KIAA0408: variants seen among roughly 807,000 people sequenced by gnomAD.
KIAA0408 encodes the protein KIAA0408, also known as uncharacterized protein KIAA0408.
Under a neutral mutation model 60.9 loss-of-function variants are expected in KIAA0408, and 51 were observed. That is an observed-to-expected ratio of 0.84 (90% CI 0.67 to 1.06). The LOEUF (loss-of-function observed/expected upper bound fraction) is 1.06, where lower values mean the gene tolerates loss of function less well. Among genes scored for constraint, KIAA0408 ranks in the 50% least tolerant of loss-of-function variants. KIAA0408 has a pLI of 0.00. For synonymous variants in KIAA0408, 304 were observed against 282.4 expected, an observed-to-expected ratio of 1.08 and a Z score of -0.77; for missense variants, 787 against 833.9, an observed-to-expected ratio of 0.94 and a Z score of 0.69.
rs1320227604 is a variant in KIAA0408, at chr6:127,444,009, T to A, written c.*100A>T. The A allele has an allele frequency of 9.0e-6, 9 of 1,005,152 alleles. No individual in the cohort carries two copies. Among genetic ancestry groups the A allele is most frequent in the Middle Eastern group, 2.2e-4 (1 of 4,464 alleles). 62.3% of individuals were successfully genotyped at this position (1,005,152 alleles called of 1,614,324 possible). Reference sequence around the variant, plus strand: ...ACTGATGGAAAGTTAAGATTCAAATTGCTTGTCGGAAGAGAACAGGTCCGC... The same window carrying A: ...ACTGATGGAAAGTTAAGATTCAAATAGCTTGTCGGAAGAGAACAGGTCCGC... On this transcript the variant is annotated 3_prime_UTR_variant, in exon 6 of 6. Coordinates refer to ENST00000483725, the MANE Select transcript of KIAA0408 (RefSeq NM_014702.5).
intron 1 of KIAA0408, 198 bp from the exon 2 acceptor site, chr6:127,454,299 T>G (rs1161431579): frequency 2.7e-5 from 9 of 332,550 alleles, no homozygotes; most frequent in Admixed American, 1.2e-4. Flanking sequence ...TTTTTTTCCC[T>G]TTCTGAGACC....
In KIAA0408 at chr6:127,440,097, A is replaced by G. The variant is rs1773080292; in HGVS notation, c.*4012T>C. On this transcript the variant is annotated 3_prime_UTR_variant, in exon 6 of 6. Coordinates refer to ENST00000483725, the MANE Select transcript of KIAA0408 (RefSeq NM_014702.5). ...TGTTAATTTAACCTATTGGATTAATACTATCATTGAAATGTGTATCAGATT... is the reference window on the plus strand; with the variant it reads ...TGTTAATTTAACCTATTGGATTAATGCTATCATTGAAATGTGTATCAGATT... The G allele has an allele frequency of 6.6e-6, 1 of 152,212 alleles. No individual in the cohort carries two copies. The highest frequency in any genetic ancestry group is 2.4e-5 in the African/African-American group (1 of 41,456). 9.4% of individuals were successfully genotyped at this position (152,212 alleles called of 1,614,324 possible).
intron 1 of KIAA0408, among the ~76,000 whole-genome samples, chr6:127,454,521 C>T (rs1395070526): frequency 6.6e-6 from 1 of 152,060 alleles, no homozygotes; most frequent in Admixed American, 6.6e-5. Flanking sequence ...ATTCTTATGA[C>T]TTAAATTCCT....
rs778564256 is a variant in KIAA0408 at position 127,447,019 on chromosome 6, T to C, written c.1300A>G (p.Arg434Gly). The C allele has an allele frequency of 1.2e-6, 2 of 1,613,614 alleles. No homozygotes were observed. Among genetic ancestry groups the C allele is most frequent in the South Asian group, 2.2e-5 (2 of 90,990 alleles). The change falls in exon 5 of 6, where the codon AGG becomes GGG. Residue 434 changes from arginine to glycine, a missense_variant. By Grantham distance (125) the Arg-to-Gly change is moderately radical. This residue lies in a region of KIAA0408 where 640 missense variants were observed against 681.3 expected (regional missense o/e 0.94). Transcript: ENST00000483725. ...GTCTTTGCTGCCAGCTTCTCATTCC[T>C]TGTAGTCCTTTCAAAGCCACAACTG... ...NFSCGFERTT[R>G]NEKLAAKTDE...
intron 4 of KIAA0408, among the ~76,000 whole-genome samples, chr6:127,449,384 TCACGCCTGTAATCC>T (rs1271332002): frequency 5.9e-5 from 9 of 152,164 alleles, no homozygotes; most frequent in African/African-American, 2.2e-4. Context: ...GCGTGGTGGC[TCACGCCTGTAATCC>T]CAGCACTTTG....
rs1199869097 is a variant in KIAA0408, at chr6:127,442,948, T to G, written c.*1161A>C. On this transcript the variant is annotated 3_prime_UTR_variant, in exon 6 of 6. Transcript: ENST00000483725. The stretch of plus-strand genomic sequence containing the variant: ...AAACTGTAGCCAAAATACACATTTC[T>G]ATTCCTGATGCTACTGTGGATGTCA... 1 of 152,212 alleles carries G rather than the reference T, an allele frequency of 6.6e-6. No individual in the cohort carries two copies. The highest frequency in any genetic ancestry group is 1.9e-4 in the East Asian group (1 of 5,200). 9.4% of individuals were successfully genotyped at this position (152,212 alleles called of 1,614,324 possible).
Position 127,447,061 on chromosome 6 carries a change from T to G in KIAA0408, c.1258A>C (p.Ser420Arg). The change falls in exon 5 of 6, where the codon AGC (serine) becomes CGC (arginine). Residue 420 changes from serine (S) to arginine (R), a missense_variant. Physicochemically the swap from Ser to Arg is moderately radical, Grantham distance 110. Transcript: ENST00000483725. The part of the protein sequence containing the change: ...DCSSSVAESS[S>R]PLRNFSCGFE... The stretch of plus-strand genomic sequence containing the variant: ...CCACAACTGAAATTTCTAAGTGGGC[T>G]ACTGCTCTCTGCTACTGAGGAGCTA... The G allele has an allele frequency of 1.2e-6, 2 of 1,613,762 alleles. No homozygotes were observed. The highest frequency in any genetic ancestry group is 1.7e-6 in the Non-Finnish European group (2 of 1,179,914).
chr6:127,451,485 G>A (rs997346492), intron 2 of KIAA0408, among the ~76,000 whole-genome samples: 2 of 152,082 alleles, frequency 1.3e-5, no homozygotes, highest in Admixed American at 1.3e-4. Context: ...TGACCTTGAG[G>A]GATATAAGAA....
intron 2 of KIAA0408, chr6:127,451,332 G>C (rs1773299732): frequency 4.4e-6 from 2 of 455,472 alleles, no homozygotes; most frequent in African/African-American, 4.0e-5. Flanking sequence ...AAAATATACA[G>C]TGTATTTATT....
chr6:127,457,419 G>A (rs889412321), intron 1 of KIAA0408, among the ~76,000 whole-genome samples: 2 of 152,194 alleles, frequency 1.3e-5, no homozygotes, highest in African/African-American at 2.4e-5. Flanking sequence ...GGGAGAGAAG[G>A]AAGGATTTCT....
In KIAA0408 at chr6:127,440,157, A is replaced by C. The variant is rs1224505930; in HGVS notation, c.*3952T>G. The C allele has an allele frequency of 6.6e-6, 1 of 152,198 alleles. No homozygotes were observed. The highest frequency in any genetic ancestry group is 1.5e-5 in the Non-Finnish European group (1 of 68,032). 9.4% of individuals were successfully genotyped at this position (152,198 alleles called of 1,614,324 possible). A position where few individuals can be genotyped will look rare whatever the true frequency, so the allele number is the denominator to read the frequency against. ...ATGATTTTATTCCCAATAAAACAAA[A>C]AATTATTTTCTATGATGAATATGCA... is the stretch of plus-strand genomic sequence containing the variant. On this transcript the variant is annotated 3_prime_UTR_variant, in exon 6 of 6. Coordinates refer to ENST00000483725, the MANE Select transcript of KIAA0408 (RefSeq NM_014702.5).
chr6:127,450,164 C>A lies in KIAA0408; in HGVS notation c.324G>T (p.Glu108Asp). 1.2e-6 allele frequency: 2 copies of A among 1,614,002 alleles called. No homozygotes were observed. The highest frequency in any genetic ancestry group is 1.7e-6 in the Non-Finnish European group (2 of 1,179,950). ...KDGLRKENKR[E>D]QSLVSGGNQM... ...GATTTCCTCCACTGACTAAGCTCTG[C>A]TCTCTTTTATTTTCTTTTCTCAGAC... The change falls in exon 3 of 6, where the codon GAG becomes GAT. Residue 108 changes from glutamate to aspartate, a missense_variant. By Grantham distance (45) the Glu-to-Asp change is conservative. Transcript: ENST00000483725.
chr6:127,446,077 T>C (rs912796219), intron 5 of KIAA0408, among the ~76,000 whole-genome samples: 8 of 152,184 alleles, frequency 5.3e-5, no homozygotes, highest in African/African-American at 1.7e-4. Context: ...TTTAAAATAA[T>C]GAAATTCTAT....
Position 127,443,200 on chromosome 6 carries a change from A to G in KIAA0408, c.*909T>C, listed in dbSNP as rs1424215340. 2 of 152,194 alleles carry G rather than the reference A, an allele frequency of 1.3e-5. No homozygotes were observed. Among genetic ancestry groups the G allele is most frequent in the Non-Finnish European group, 2.9e-5 (2 of 68,008 alleles). 9.4% of individuals were successfully genotyped at this position (152,194 alleles called of 1,614,324 possible). On this transcript the variant is annotated 3_prime_UTR_variant, in exon 6 of 6. Coordinates refer to ENST00000483725, the MANE Select transcript of KIAA0408 (RefSeq NM_014702.5). ...TAAACTAAAAGCTTACCACAACTTA[A>G]AGAAAAACTAAAATTCAACATCATT...
chr6:127,451,374 T>A (rs1047801702), intron 2 of KIAA0408: 1 of 450,988 alleles, frequency 2.2e-6, no homozygotes, highest in African/African-American at 2.0e-5. Flanking sequence ...TTAGTATTTA[T>A]TGTATGAAGT....
In KIAA0408 at chr6:127,447,321, T is replaced by A; in HGVS notation, c.998A>T (p.Asp333Val). ...TACCAAAGAGGAAAAGATGATACCATCTTTCGAAGTTTTCCCTTCATTTGG... is the reference window on the plus strand; with the variant it reads ...TACCAAAGAGGAAAAGATGATACCAACTTTCGAAGTTTTCCCTTCATTTGG... ...LYPNEGKTSK[D>V]GIIFSSLVPE... The change falls in exon 5 of 6, where the codon GAT (aspartate) becomes GTT (valine). Residue 333 changes from aspartate (D) to valine (V), a missense_variant. Transcript: ENST00000483725. 6.2e-7 allele frequency: 1 copy of A among 1,613,658 alleles called. No individual in the cohort carries two copies.
rs573272308 is a variant in KIAA0408 at position 127,453,973 on chromosome 6, T to C, written c.9A>G (p.Leu3=). 10 of 1,612,464 alleles carry C rather than the reference T, an allele frequency of 6.2e-6. No individual in the cohort carries two copies. Among genetic ancestry groups the C allele is most frequent in the Non-Finnish European group, 7.6e-6 (9 of 1,178,926 alleles). ...TCTCTGTGTTCTCCCACTGCTTATGTAGGTCCATGGCAACAGTGTAAGTGT... is the reference window on the plus strand; with the variant it reads ...TCTCTGTGTTCTCCCACTGCTTATGCAGGTCCATGGCAACAGTGTAAGTGT... MD[L]HKQWENTETN... The change falls in exon 2 of 6, where the codon CTA becomes CTG. Residue 3 remains leucine (L), a synonymous_variant. Transcript: ENST00000483725.
Position 127,457,834 on chromosome 6 carries a change from G to T in KIAA0408, c.-121+1341C>A, listed in dbSNP as rs141538717. Among the ~76,000 whole-genome samples, 14 of 152,224 alleles carry T rather than the reference G, an allele frequency of 9.2e-5. No individual in the cohort carries two copies. The East Asian group carries it at 2.7e-3, about 29-fold the overall frequency. ...GGGTGCTCCATTCTTAGGACACCTGGGTCACTACCCTTTCAACCTCCAACT... is the reference window on the plus strand; with the variant it reads ...GGGTGCTCCATTCTTAGGACACCTGTGTCACTACCCTTTCAACCTCCAACT... On this transcript the variant is annotated intron_variant, in intron 1 of 5. Transcript: ENST00000483725.
Position 127,442,036 on chromosome 6 carries a change from CCATT to C in KIAA0408, c.*2069_*2072del, listed in dbSNP as rs1773115376. ...AAAGTGACCACCCAAGGGCATCCAT[CCATT>C]CAGAGATCAAGCAATGTCACTGTTT... is the stretch of plus-strand genomic sequence containing the variant. On this transcript the variant is annotated 3_prime_UTR_variant, in exon 6 of 6. Coordinates refer to ENST00000483725, the MANE Select transcript of KIAA0408 (RefSeq NM_014702.5). The C allele has an allele frequency of 6.6e-6, 1 of 152,180 alleles. No individual in the cohort carries two copies. Among genetic ancestry groups the C allele is most frequent in the Non-Finnish European group, 1.5e-5 (1 of 68,040 alleles). The allele number at this position is 152,180 out of a possible 1,614,324, so 9.4% of individuals were successfully genotyped here. A position where few individuals can be genotyped will look rare whatever the true frequency, so the allele number is the denominator to read the frequency against.
Sources: allele counts gnomAD v4.1 joint callset (sites outside exome capture counted in the v4.1 genomes callset), GRCh38; gene constraint gnomAD v4.1.1; regional missense constraint gnomAD v4.1.1; transcripts MANE v1.5; gene names NCBI Gene and HGNC (gene_info 2026-07-23, HGNC 2026-07-21).